NARS2: variants seen among roughly 807,000 people sequenced by gnomAD.
NARS2 encodes the protein asparaginyl-tRNA synthetase.
A neutral mutation model predicts 62.9 loss-of-function variants in NARS2; 60 were observed. The ratio of observed to expected loss-of-function variants is 0.95; its 90% CI spans 0.77 to 1.18. The LOEUF (loss-of-function observed/expected upper bound fraction) is 1.18, where lower values mean the gene tolerates loss of function less well. NARS2 is among the 50% of genes most tolerant of loss of function. The pLI is 0.00. For missense variants in NARS2, 619 were observed against 576.4 expected, an observed-to-expected ratio of 1.07 and a Z score of -0.76; for synonymous variants, 196 against 200.0, an observed-to-expected ratio of 0.98 and a Z score of 0.17.
chr11:78,445,419 G>T (rs950389345), intron 11 of NARS2, among the ~76,000 whole-genome samples: 1 of 152,242 alleles, frequency 6.6e-6, no homozygotes, highest in South Asian at 2.1e-4. Context: ...TCAGGAGTTC[G>T]AGACCAGCCT....
intron 6 of NARS2, among the ~76,000 whole-genome samples, chr11:78,518,044 T>C (rs1333743799): frequency 1.3e-5 from 2 of 152,206 alleles, no homozygotes; most frequent in African/African-American, 2.4e-5. Flanking sequence ...CTCAACACTA[T>C]AGTACAGTCG....
chr11:78,538,489 G>A (rs1265864154), intron 5 of NARS2, among the ~76,000 whole-genome samples: 3 of 152,114 alleles, frequency 2.0e-5, no homozygotes, highest in Non-Finnish European at 4.4e-5. Flanking sequence ...AAATGAGTTG[G>A]GTACTGGGGT....
intron 5 of NARS2, among the ~76,000 whole-genome samples, chr11:78,547,472 C>A (rs1008048826): frequency 3.9e-5 from 6 of 152,144 alleles, no homozygotes; most frequent in Non-Finnish European, 7.4e-5. Context: ...TATTGATACA[C>A]TGAAACAGCA....
intron 5 of NARS2, among the ~76,000 whole-genome samples, chr11:78,556,638 T>A (rs1856365240): frequency 6.6e-6 from 1 of 152,230 alleles, no homozygotes. Flanking sequence ...CTCTTCTATT[T>A]TATAGAAGGA....
At chr11:78,527,141 G>A (rs572749514) in intron 6 of NARS2, among the ~76,000 whole-genome samples, 6 of 152,244 alleles carry the variant, frequency 3.9e-5, no homozygotes, top group African/African-American at 1.2e-4. Context: ...GGGTGTGTTG[G>A]TCCTGTAGGA....
intron 6 of NARS2, among the ~76,000 whole-genome samples, chr11:78,499,445 T>G (rs184143873): frequency 6.6e-6 from 1 of 152,206 alleles, no homozygotes; most frequent in Admixed American, 6.5e-5. Flanking sequence ...AAATGAATAT[T>G]TGAAACAGCA....
intron 5 of NARS2, among the ~76,000 whole-genome samples, chr11:78,534,030 T>C (rs1029698045): frequency 2.0e-5 from 3 of 152,202 alleles, no homozygotes; most frequent in Non-Finnish European, 4.4e-5. Context: ...ATGTAACAGA[T>C]ACAGTTTATT....
At chr11:78,567,200 G>A (rs1856771486) in intron 3 of NARS2, among the ~76,000 whole-genome samples, 1 of 152,108 alleles carries the variant, frequency 6.6e-6, no homozygotes, top group South Asian at 2.1e-4. Context: ...ACCCACAGGG[G>A]ATATGTTCCA....
intron 6 of NARS2, among the ~76,000 whole-genome samples, chr11:78,522,076 G>A (rs372411781): frequency 1.7e-4 from 25 of 151,502 alleles, no homozygotes; most frequent in African/African-American, 5.3e-4. Flanking sequence ...CCTTAGCATC[G>A]CAAGTAGTTT....
At chr11:78,529,568 T>C (rs953738116) in intron 5 of NARS2, among the ~76,000 whole-genome samples, 3 of 152,202 alleles carry the variant, frequency 2.0e-5, no homozygotes, top group East Asian at 3.8e-4. Context: ...AAACAAGCCA[T>C]TCAACATTTG....
At chr11:78,500,752 G>A (rs1490188275) in intron 6 of NARS2, among the ~76,000 whole-genome samples, 2 of 152,050 alleles carry the variant, frequency 1.3e-5, no homozygotes, top group South Asian at 4.1e-4. Flanking sequence ...ATCTACCAAC[G>A]TTTACTACTA....
chr11:78,549,865 G>A (rs1382864247), intron 5 of NARS2, among the ~76,000 whole-genome samples: 2 of 152,016 alleles, frequency 1.3e-5, no homozygotes, highest in South Asian at 2.1e-4. Flanking sequence ...TGGGAGGGAG[G>A]AGAGGGGCAA....
chr11:78,441,048 G>C lies in NARS2; in HGVS notation c.1289+43C>G, dbSNP rs189321232. 277 of 1,588,914 alleles carry C rather than the reference G, an allele frequency of 1.7e-4. No homozygotes were observed. The Middle Eastern group carries it at 3.2e-3, about 18-fold the overall frequency. On this transcript the variant is annotated intron_variant, in intron 13 of 13. Coordinates refer to ENST00000281038, the MANE Select transcript of NARS2 (RefSeq NM_024678.6). ...TAAAAACGCTTCTAGGCAACAGTCA[G>C]ACAAGCAGCTAGAGTAAGAATTATT...
chr11:78,521,962 G>C (rs1294581772), intron 6 of NARS2, among the ~76,000 whole-genome samples: 2 of 152,040 alleles, frequency 1.3e-5, no homozygotes, highest in African/African-American at 4.8e-5. Flanking sequence ...TGAATGCAAA[G>C]AGGCAGCAAC....
chr11:78,480,890 C>T (rs1859325041), intron 7 of NARS2, among the ~76,000 whole-genome samples: 1 of 151,816 alleles, frequency 6.6e-6, no homozygotes, highest in African/African-American at 2.4e-5. Flanking sequence ...GCCATCTCAG[C>T]CCACTGCAGC....
At chr11:78,473,683 T>C (rs1390891438) in intron 9 of NARS2, among the ~76,000 whole-genome samples, 1 of 152,220 alleles carries the variant, frequency 6.6e-6, no homozygotes, top group Non-Finnish European at 1.5e-5. Context: ...ATGAAGACTA[T>C]TTCTGTTTTG....
At chr11:78,554,990 CA>C (rs2135503409) in intron 5 of NARS2, among the ~76,000 whole-genome samples, 1 of 152,214 alleles carries the variant, frequency 6.6e-6, no homozygotes, top group South Asian at 2.1e-4. Context: ...TGAATTATAT[CA>C]AAAGCCTTTT....
intron 8 of NARS2, 21 bp from the exon 9 acceptor site, chr11:78,478,496 G>T (rs1348404561): frequency 2.5e-6 from 3 of 1,214,278 alleles, no homozygotes; most frequent in Non-Finnish European, 3.4e-6. Context: ...AGACAAAAAA[G>T]AAAATTTTAA....
chr11:78,574,335 C>A lies in NARS2; in HGVS notation c.141+13G>T. ...CCTACAAGAAAAAACCCACTCCCTTCCCATTCACCAACCTGGATCTTAATG... is the reference window on the plus strand; with the variant it reads ...CCTACAAGAAAAAACCCACTCCCTTACCATTCACCAACCTGGATCTTAATG... On this transcript the variant is annotated intron_variant, in intron 1 of 13. Coordinates refer to ENST00000281038, the MANE Select transcript of NARS2 (RefSeq NM_024678.6). 6.2e-7 allele frequency: 1 copy of A among 1,614,230 alleles called. No homozygotes were observed. Among genetic ancestry groups the A allele is most frequent in the Admixed American group, 1.7e-5 (1 of 60,034 alleles).
Sources: gnomAD v4.1 joint callset for allele counts (sites outside exome capture counted in the v4.1 genomes callset) on GRCh38, gnomAD v4.1.1 for gene constraint, MANE v1.5 for transcripts, NCBI Gene and HGNC (gene_info 2026-07-23, HGNC 2026-07-21) for gene names.